Variants in DMRT1 observed in about 807,000 individuals in gnomAD.
DMRT1 encodes the protein doublesex- and mab-3-related transcription factor 1.
A neutral mutation model predicts 32.3 loss-of-function variants in DMRT1; 7 were observed. The ratio of observed to expected loss-of-function variants is 0.22; its 90% confidence interval spans 0.12 to 0.41. DMRT1 has a LOEUF of 0.41. DMRT1 is among the 10% of genes least tolerant of loss of function. The pLI is 1.00. For synonymous variants in DMRT1, 278 were observed against 206.1 expected (o/e 1.35, Z -2.99); for missense variants, 625 against 500.5 (o/e 1.25, Z -2.37).
intron 4 of DMRT1, among the ~76,000 whole-genome samples, chr9:921,928 A>G (rs1030931650): frequency 1.4e-4 from 21 of 152,212 alleles, no homozygotes; most frequent in African/African-American, 4.6e-4. Flanking sequence ...TAGCACAGGC[A>G]GGCATGCAGG....
At chr9:930,587 T>A (rs1473445134) in intron 4 of DMRT1, among the ~76,000 whole-genome samples, 1 of 151,946 alleles carries the variant, frequency 6.6e-6, no homozygotes, top group Admixed American at 6.6e-5. Flanking sequence ...CCTTTGTATT[T>A]TTAGTAGAGA....
chr9:923,235 G>T (rs780958934), intron 4 of DMRT1, among the ~76,000 whole-genome samples: 1 of 152,164 alleles, frequency 6.6e-6, no homozygotes, highest in Non-Finnish European at 1.5e-5. Context: ...TCTGCTCTCT[G>T]TTGGGAGCAC....
chr9:847,128 A>T lies in DMRT1; in HGVS notation c.523A>T (p.Thr175Ser). 6.2e-7 allele frequency: 1 copy of T among 1,612,962 alleles called. No individual in the cohort carries two copies. The highest frequency in any genetic ancestry group is 8.5e-7 in the Non-Finnish European group (1 of 1,179,902). ...TCAGCCACCGCCGGCCAGTGTCCCC[A>T]CCACTGCAGCTTCAGGTAATCTGGA... ...TSQPPPASVPTTAASEGRMVI... is the reference protein window; with the variant it reads ...TSQPPPASVPSTAASEGRMVI... Residue 175 changes from threonine to serine, a missense_variant, in exon 2 of 5, where the codon ACC becomes TCC. Physicochemically the swap from Thr to Ser is moderately conservative, Grantham distance 58 (BLOSUM62 1). This residue lies in a region of DMRT1 where 416 missense variants were observed against 321.6 expected (regional missense o/e 1.29). Transcript: ENST00000382276.
At chr9:935,053 A>G (rs1468361000) in intron 4 of DMRT1, among the ~76,000 whole-genome samples, 2 of 152,372 alleles carry the variant, frequency 1.3e-5, no homozygotes, top group South Asian at 2.1e-4. Flanking sequence ...AAAATCATTT[A>G]TAATAGAAGC....
At chr9:915,308 C>T (rs1212478948) in intron 3 of DMRT1, among the ~76,000 whole-genome samples, 1 of 152,160 alleles carries the variant, frequency 6.6e-6, no homozygotes, top group East Asian at 1.9e-4. Context: ...CAATCAGAGT[C>T]ATCAGGGCCA....
chr9:890,899 AT>A (rs374362586), intron 2 of DMRT1, among the ~76,000 whole-genome samples: 23 of 145,996 alleles, frequency 1.6e-4, no homozygotes, highest in Non-Finnish European at 1.8e-4. Context: ...TTTTTTTTGT[AT>A]TTTTTTTTTA....
chr9:883,748 C>T (rs893493276), intron 2 of DMRT1, among the ~76,000 whole-genome samples: 8 of 149,892 alleles, frequency 5.3e-5, no homozygotes, highest in African/African-American at 2.0e-4. Context: ...GCCATGATCA[C>T]ACCACTGCAC....
chr9:843,248 TC>T (rs1838766935), intron 1 of DMRT1, among the ~76,000 whole-genome samples: 1 of 152,216 alleles, frequency 6.6e-6, no homozygotes, highest in Admixed American at 6.5e-5. Context: ...GGGTAACCTG[TC>T]GGAAAGCCTT....
chr9:917,653 C>A (rs1338819997), intron 4 of DMRT1, among the ~76,000 whole-genome samples: 1 of 152,124 alleles, frequency 6.6e-6, no homozygotes, highest in Non-Finnish European at 1.5e-5. Flanking sequence ...GGAAGAGAAA[C>A]CAATCTAGAA....
chr9:948,082 C>T lies in DMRT1; in HGVS notation c.968-19903C>T, dbSNP rs189712655. Among the ~76,000 whole-genome samples the T allele has an allele frequency of 6.6e-5, 10 of 152,252 alleles. No homozygotes were observed. In the East Asian group the frequency reaches 1.9e-3, roughly 29 times the overall value. ...CACATGAGGTGGAATTGGGTAATTACTTATCTACTCTGAAAACACACCTGT... is the reference window on the plus strand; with the variant it reads ...CACATGAGGTGGAATTGGGTAATTATTTATCTACTCTGAAAACACACCTGT... On this transcript the variant is annotated intron_variant, in intron 4 of 4. Transcript: ENST00000382276.
chr9:843,220 G>C (rs1554739723), intron 1 of DMRT1, among the ~76,000 whole-genome samples: 3 of 152,218 alleles, frequency 2.0e-5, no homozygotes, highest in Non-Finnish European at 1.5e-5. Context: ...GGGAGGCTCG[G>C]CCGGCTGCTG....
At chr9:871,601 A>G (rs1252543562) in intron 2 of DMRT1, among the ~76,000 whole-genome samples, 1 of 137,758 alleles carries the variant, frequency 7.3e-6, no homozygotes. Context: ...TCTGCCTCCC[A>G]AAGTGCTGGG....
In DMRT1 at chr9:902,491, AT is replaced by A. The variant is rs58603191; in HGVS notation, c.822+8310del. Among the ~76,000 whole-genome samples, 713 of 135,154 alleles carry A rather than the reference AT, an allele frequency of 5.3e-3. 1 individual carries two copies. Among genetic ancestry groups the A allele is most frequent in the Middle Eastern group, 0.023 (6 of 266 alleles). The allele number at this position is 135,154 out of a possible 152,430, so 88.7% of individuals were successfully genotyped here. On this transcript the variant is annotated intron_variant, in intron 3 of 4. Coordinates refer to ENST00000382276, the MANE Select transcript of DMRT1 (RefSeq NM_021951.3). ...TGCAGGGTGCTTCCCCTCCCACCAC[AT>A]TTTTTTTTTTTTTAGATGGAGTCTT...
intron 1 of DMRT1, among the ~76,000 whole-genome samples, chr9:843,507 C>G (rs1838779404): frequency 6.6e-6 from 1 of 152,146 alleles, no homozygotes; most frequent in East Asian, 1.9e-4. Flanking sequence ...TGGAAAAAAG[C>G]GCGCCAGGGT....
intron 2 of DMRT1, among the ~76,000 whole-genome samples, chr9:889,184 G>A (rs1468498377): frequency 2.0e-5 from 3 of 152,102 alleles, no homozygotes; most frequent in African/African-American, 7.2e-5. Flanking sequence ...ACCTTTCCAT[G>A]TACTAGCAGT....
At chr9:957,171 G>A (rs777174747) in intron 4 of DMRT1, among the ~76,000 whole-genome samples, 2 of 152,164 alleles carry the variant, frequency 1.3e-5, no homozygotes, top group African/African-American at 2.4e-5. Context: ...TTTCTTGAAG[G>A]CAGACTAAAA....
intron 4 of DMRT1, among the ~76,000 whole-genome samples, chr9:957,101 C>T (rs909327172): frequency 2.4e-4 from 36 of 152,282 alleles, no homozygotes; most frequent in Admixed American, 2.0e-3. Context: ...CTTGCCTCCC[C>T]GCCAGTAGTC....
At chr9:909,803 G>T (rs552847099) in intron 3 of DMRT1, among the ~76,000 whole-genome samples, 1 of 152,166 alleles carries the variant, frequency 6.6e-6, no homozygotes, top group East Asian at 1.9e-4. Flanking sequence ...GCCTTGACCT[G>T]CTGGGCTTAA....
chr9:885,885 C>T (rs925797397), intron 2 of DMRT1, among the ~76,000 whole-genome samples: 4 of 152,190 alleles, frequency 2.6e-5, no homozygotes, highest in Admixed American at 2.6e-4. Context: ...AGAAAGCCAG[C>T]ACATTCTCTT....
Sources: gnomAD v4.1 joint callset for allele counts (sites outside exome capture counted in the v4.1 genomes callset) on GRCh38, gnomAD v4.1.1 for gene constraint, gnomAD v4.1.1 regional missense constraint, MANE v1.5 for transcripts, NCBI Gene and HGNC (gene_info 2026-07-23, HGNC 2026-07-21) for gene names.